The following HCRTR1 variants were observed in gnomAD, a reference collection of about 807,000 sequenced individuals.
The protein encoded by HCRTR1 is hypocretin receptor 1.
Under a neutral mutation model 40.6 loss-of-function variants are expected in HCRTR1, and 28 were observed. The ratio of observed to expected loss-of-function variants is 0.69; its 90% CI spans 0.51 to 0.95. HCRTR1 has a LOEUF of 0.95. Ranked by LOEUF, HCRTR1 falls within the 40% of genes least tolerant of loss-of-function variation. HCRTR1 has a pLI of 0.00. For synonymous variants in HCRTR1, 209 were observed against 230.0 expected (o/e 0.91, Z 0.83); for missense variants, 482 against 564.7 (o/e 0.85, Z 1.48).
chr1:31,621,571 C>T lies in HCRTR1; in HGVS notation c.717C>T (p.Phe239=). The T allele has an allele frequency of 6.2e-7, 1 of 1,613,420 alleles. No homozygotes were observed. Among genetic ancestry groups the T allele is most frequent in the Non-Finnish European group, 8.5e-7 (1 of 1,179,774 alleles). ...GLMAMAYFQI[F]RKLWGRQIPG... ...TGGCCATGGCCTATTTCCAGATATTCCGCAAGCTCTGGGGCCGCCAGGTGA... is the reference window on the plus strand; with the variant it reads ...TGGCCATGGCCTATTTCCAGATATTTCGCAAGCTCTGGGGCCGCCAGGTGA... The change falls in exon 6 of 9, where the codon TTC becomes TTT. Residue 239 remains phenylalanine (F), a synonymous_variant. Transcript: ENST00000403528.
chr1:31,631,484 T>A (rs1487991749), downstream of HCRTR1, among the ~76,000 whole-genome samples: 1 of 152,130 alleles, frequency 6.6e-6, no homozygotes, highest in Non-Finnish European at 1.5e-5. Context: ...CTTCCTCTGT[T>A]CAGAACTTAC....
chr1:31,618,896 G>C, intron 2 of HCRTR1, 80 bp downstream of exon 2: 3 of 427,986 alleles, frequency 7.0e-6, no homozygotes, highest in Non-Finnish European at 8.5e-6. Flanking sequence ...AAGGCAACTG[G>C]TGTGGAATTG....
chr1:31,622,391 G>A (rs921512239), intron 6 of HCRTR1, among the ~76,000 whole-genome samples: 19 of 151,830 alleles, frequency 1.3e-4, no homozygotes, highest in African/African-American at 4.6e-4. Context: ...CCCAGGCCAT[G>A]CCGGGCAGCG....
downstream of HCRTR1, among the ~76,000 whole-genome samples, chr1:31,631,732 C>A (rs1266637550): frequency 6.6e-6 from 1 of 152,204 alleles, no homozygotes; most frequent in Non-Finnish European, 1.5e-5. Context: ...TTACTAATAT[C>A]CACGACAAAA....
downstream of HCRTR1, chr1:31,632,390 AGGTGGACATTC>A (rs1640130136): frequency 6.4e-7 from 1 of 1,564,998 alleles, no homozygotes; most frequent in African/African-American, 1.4e-5. Flanking sequence ...TTTGTAGTGC[AGGTGGACATTC>A]GGTAACAAGA....
At chr1:31,631,231 G>A (rs549845449), downstream of HCRTR1, among the ~76,000 whole-genome samples, 3 of 152,314 alleles carry the variant, frequency 2.0e-5, no homozygotes, top group East Asian at 5.8e-4. Context: ...GAGGTATGAG[G>A]ACCTGCTCTG....
At chr1:31,618,967 C>T (rs1355226126) in intron 2 of HCRTR1, 84 bp from the exon 3 acceptor site, 12 of 567,692 alleles carry the variant, frequency 2.1e-5, no homozygotes, top group African/African-American at 3.7e-5. Flanking sequence ...TAAGAGGGAA[C>T]TTATACGCAA....
rs1472634746 is a variant in HCRTR1, at chr1:31,619,663, T to C, written c.331T>C (p.Ser111Pro). 2 of 1,613,080 alleles carry C rather than the reference T, an allele frequency of 1.2e-6. No homozygotes were observed. The highest frequency in any genetic ancestry group is 2.2e-5 in the East Asian group (1 of 44,864). Residue 111 changes from serine (S) to proline (P), a missense_variant, in exon 4 of 9, where the codon TCC becomes CCC. Transcript: ENST00000403528. ...CAGCCTGCTGGTGGACATCACTGAG[T>C]CCTGGCTGTTCGGCCATGCCCTCTG... ...PASLLVDITESWLFGHALCKV... is the reference protein window; with the variant it reads ...PASLLVDITEPWLFGHALCKV...
chr1:31,627,722 TCTG>T (rs1286071377), downstream of HCRTR1: 20 of 249,668 alleles, frequency 8.0e-5, no homozygotes, highest in East Asian at 2.3e-3. Flanking sequence ...AATGCTCTTA[TCTG>T]CTGACCTCCC....
At chr1:31,620,524 G>A (rs1639830183) in intron 4 of HCRTR1, among the ~76,000 whole-genome samples, 1 of 152,226 alleles carries the variant, frequency 6.6e-6, no homozygotes, top group South Asian at 2.1e-4. Context: ...TGAGAACAGT[G>A]CCCAGCACAT....
Position 31,627,292 on chromosome 1 carries a change from T to G in HCRTR1, c.*312T>G. The stretch of plus-strand genomic sequence containing the variant: ...TCCTCCTTCCAGAGCTTGGTCATCC[T>G]CCTAAAGACCCCTTTCCTACCCAAT... On this transcript the variant is annotated 3_prime_UTR_variant, in exon 9 of 9. Coordinates refer to ENST00000403528, the MANE Select transcript of HCRTR1 (RefSeq NM_001525.3). The G allele has an allele frequency of 7.3e-7, 1 of 1,375,152 alleles. No homozygotes were observed. The highest frequency in any genetic ancestry group is 1.4e-5 in the African/African-American group (1 of 69,116). 85.2% of individuals were successfully genotyped at this position (1,375,152 alleles called of 1,614,324 possible). A position where few individuals can be genotyped will look rare whatever the true frequency, so the allele number is the denominator to read the frequency against.
chr1:31,627,474 C>A lies in HCRTR1; in HGVS notation c.*494C>A. 4.0e-6 allele frequency: 3 copies of A among 748,998 alleles called. No homozygotes were observed. The highest frequency in any genetic ancestry group is 1.5e-5 in the South Asian group (1 of 68,178). The allele number at this position is 748,998 out of a possible 1,614,324, so 46.4% of individuals were successfully genotyped here. ...TTTCTCCAGCGGGCCACGAGCACAG[C>A]CCCACCCTAACCAGGTGCCAAGGGC... On this transcript the variant is annotated 3_prime_UTR_variant, in exon 9 of 9. Transcript: ENST00000403528.
At position 31,619,681 on chromosome 1, in the gene HCRTR1, G is replaced by C; in HGVS notation, c.349G>C (p.Ala117Pro). Reference protein sequence around the residue: ...DITESWLFGHALCKVIPYLQA... With the variant: ...DITESWLFGHPLCKVIPYLQA... The stretch of plus-strand genomic sequence containing the variant: ...CACTGAGTCCTGGCTGTTCGGCCAT[G>C]CCCTCTGCAAGGTCATCCCCTATCT... The change falls in exon 4 of 9, where the codon GCC becomes CCC. Residue 117 changes from alanine to proline, a missense_variant. Physicochemically the swap from Ala to Pro is conservative, Grantham distance 27 (BLOSUM62 -1). Coordinates refer to ENST00000403528, the MANE Select transcript of HCRTR1 (RefSeq NM_001525.3). 6.2e-7 allele frequency: 1 copy of C among 1,610,310 alleles called. No individual in the cohort carries two copies. Among genetic ancestry groups the C allele is most frequent in the Non-Finnish European group, 8.5e-7 (1 of 1,177,962 alleles).
At chr1:31,630,750 G>A (rs765758652), downstream of HCRTR1, 4 of 1,614,030 alleles carry the variant, frequency 2.5e-6, no homozygotes, top group South Asian at 3.3e-5. Flanking sequence ...AAGCGGTCAA[G>A]CTGCATGGCA....
At chr1:31,630,453 T>A (rs765575015), downstream of HCRTR1, 1 of 744,408 alleles carries the variant, frequency 1.3e-6, no homozygotes, top group Non-Finnish European at 2.2e-6. Context: ...TTGGTGGCTA[T>A]GATGCAGGAC....
downstream of HCRTR1, among the ~76,000 whole-genome samples, chr1:31,629,156 G>A (rs1013357996): frequency 1.3e-5 from 2 of 152,190 alleles, no homozygotes; most frequent in Non-Finnish European, 2.9e-5. Flanking sequence ...CATCTAATGC[G>A]GGGATTCTAG....
rs1639950690 is a variant in HCRTR1, at chr1:31,625,196, G to A, written c.1087+78G>A. On this transcript the variant is annotated intron_variant, in intron 8 of 8. Transcript: ENST00000403528. This position sits in a 1 kb window ranked among gnomAD's most constrained non-coding sequence, Gnocchi z 4.2. ...CAAGTCTCCCCATCCCCAAGCCAGG[G>A]CCCAAATAAAGGATGGTGGGTGAGG... The A allele has an allele frequency of 2.1e-6, 3 of 1,439,938 alleles. No homozygotes were observed. The highest frequency in any genetic ancestry group is 2.2e-5 in the Admixed American group (1 of 44,564). The allele number at this position is 1,439,938 out of a possible 1,614,324, so 89.2% of individuals were successfully genotyped here.
chr1:31,633,317 G>T, downstream of HCRTR1: 2 of 1,609,444 alleles, frequency 1.2e-6, no homozygotes, highest in Non-Finnish European at 1.7e-6. Flanking sequence ...GGCGCCACCT[G>T]GAGGAAGGGG....
At chr1:31,630,836 G>A (rs201297417), downstream of HCRTR1, 85 of 1,606,724 alleles carry the variant, frequency 5.3e-5, no homozygotes, top group Non-Finnish European at 6.4e-5. Context: ...GCCCATTTGG[G>A]ACAGAGCTGG....
Sources: gnomAD v4.1 joint callset for allele counts (sites outside exome capture counted in the v4.1 genomes callset) on GRCh38, gnomAD v4.1.1 for gene constraint, Gnocchi (gnomAD v3.1) non-coding constraint, MANE v1.5 for transcripts, NCBI Gene and HGNC (gene_info 2026-07-23, HGNC 2026-07-21) for gene names.